The following ADAMTS2 variants were observed in gnomAD, a reference collection of about 807,000 sequenced individuals.
The protein encoded by ADAMTS2 is A disintegrin and metalloproteinase with thrombospondin motifs 2.
In ADAMTS2, 50 loss-of-function variants were observed where a neutral mutation model predicts 123.0. The observed-to-expected ratio is 0.41, with a 90% confidence interval of 0.32 to 0.51. ADAMTS2 has a LOEUF of 0.51. Among genes scored for constraint, ADAMTS2 ranks in the 20% least tolerant of loss-of-function variants. ADAMTS2 has a pLI of 0.35. For missense variants in ADAMTS2, 1,494 were observed against 1,705.2 expected (o/e 0.88, Z 2.18); for synonymous variants, 678 against 695.4 (o/e 0.98, Z 0.39).
In ADAMTS2 at chr5:179,115,393, A is replaced by G. The variant is rs1277872989; in HGVS notation, c.3179-1069T>C. 6.6e-6 allele frequency among the ~76,000 whole-genome samples: 1 copy of G among 152,230 alleles called. No homozygotes were observed. Among genetic ancestry groups the G allele is most frequent in the Admixed American group, 6.5e-5 (1 of 15,282 alleles). Reference sequence around the variant, plus strand: ...TTAAAAAATTCACTCAAGAAGAAAGAATAAGTCATGTTACAGGAGATACTT... The same window carrying G: ...TTAAAAAATTCACTCAAGAAGAAAGGATAAGTCATGTTACAGGAGATACTT... On this transcript the variant is annotated intron_variant, in intron 21 of 21. Transcript: ENST00000251582. This position sits in a 1 kb window ranked among gnomAD's most constrained non-coding sequence, Gnocchi z 4.4.
Position 179,207,410 on chromosome 5 carries a change from C to T in ADAMTS2, c.891+103G>A, listed in dbSNP as rs77695342. On this transcript the variant is annotated intron_variant, in intron 4 of 21. Transcript: ENST00000251582. ...ACTCACCTCCGGCTAACAAGGAAAT[C>T]GGCAGAGCCTCAGGGGACCTGGCCC... The T allele has an allele frequency of 3.5e-3, 4,384 of 1,239,678 alleles. 11 individuals carry two copies. The highest frequency in any genetic ancestry group is 4.2e-3 in the Non-Finnish European group (3,657 of 864,684). The allele number at this position is 1,239,678 out of a possible 1,614,324, so 76.8% of individuals were successfully genotyped here. A position where few individuals can be genotyped will look rare whatever the true frequency, so the allele number is the denominator to read the frequency against.
chr5:179,136,166 A>G, intron 12 of ADAMTS2, 124 bp from the exon 13 acceptor site: 1 of 1,397,518 alleles, frequency 7.2e-7, no homozygotes, highest in Non-Finnish European at 1.0e-6. Flanking sequence ...TCCAGGGCAG[A>G]CAGAGAGGGA....
intron 3 of ADAMTS2, among the ~76,000 whole-genome samples, chr5:179,216,282 G>A (rs1764977716): frequency 6.6e-6 from 1 of 152,222 alleles, no homozygotes; most frequent in Non-Finnish European, 1.5e-5. Context: ...ACCTCCATCA[G>A]GCCATCTGTA....
At chr5:179,322,497 C>A (rs770641813) in intron 2 of ADAMTS2, among the ~76,000 whole-genome samples, 1 of 152,212 alleles carries the variant, frequency 6.6e-6, no homozygotes, top group South Asian at 2.1e-4. Flanking sequence ...CCCTGAGCCA[C>A]GCTGGGTCCT....
Position 179,307,797 on chromosome 5 carries a change from G to A in ADAMTS2, c.535-34733C>T, listed in dbSNP as rs1056990224. Among the ~76,000 whole-genome samples, 9 of 152,264 alleles carry A rather than the reference G, an allele frequency of 5.9e-5. No homozygotes were observed. The South Asian group carries it at 1.0e-3, about 18-fold the overall frequency. ...TTCCAGAAGTCCAGGTCCTAGCTCC[G>A]ATGCCTCCTCACAAGGACCTTGGTG... On this transcript the variant is annotated intron_variant, in intron 2 of 21. Coordinates refer to ENST00000251582, the MANE Select transcript of ADAMTS2 (RefSeq NM_014244.5). The surrounding 1 kb of genome is among the most constrained non-coding windows in gnomAD (Gnocchi z 5.6).
At chr5:179,328,222 CG>C (rs1757365371) in intron 2 of ADAMTS2, among the ~76,000 whole-genome samples, 1 of 152,192 alleles carries the variant, frequency 6.6e-6, no homozygotes, top group African/African-American at 2.4e-5. Flanking sequence ...TTAGTAGAGA[CG>C]GGGTTTCACC....
chr5:179,154,022 C>T (rs780496629), intron 8 of ADAMTS2, 27 bp downstream of exon 8: 1 of 1,586,082 alleles, frequency 6.3e-7, no homozygotes, highest in South Asian at 1.1e-5. Context: ...TGAGGGGTCG[C>T]CCACGGGGCA....
At chr5:179,145,896 C>T (rs992021153) in intron 10 of ADAMTS2, among the ~76,000 whole-genome samples, 5 of 152,168 alleles carry the variant, frequency 3.3e-5, no homozygotes, top group African/African-American at 1.2e-4. Flanking sequence ...CTTGTTGTCC[C>T]GGCTGGAGCG....
intron 2 of ADAMTS2, among the ~76,000 whole-genome samples, chr5:179,331,981 C>T (rs1412712340): frequency 2.6e-5 from 4 of 152,226 alleles, no homozygotes. Context: ...CTTGCGGTGG[C>T]AAGTTCCAGC....
intron 3 of ADAMTS2, among the ~76,000 whole-genome samples, chr5:179,214,851 AAATAATCTCCGTCG>A (rs142137572): frequency 1.3e-5 from 2 of 150,358 alleles, no homozygotes; most frequent in Admixed American, 6.6e-5. Flanking sequence ...ATTCTCCGTC[AAATAATCTCCGTCG>A]AATAATTGTT....
chr5:179,294,096 T>C (rs950803026), intron 2 of ADAMTS2, among the ~76,000 whole-genome samples: 1 of 151,950 alleles, frequency 6.6e-6, no homozygotes, highest in African/African-American at 2.4e-5. Flanking sequence ...TCTCTACAAA[T>C]AATTTAAAAA....
At chr5:179,201,430 A>G (rs76112055) in intron 4 of ADAMTS2, among the ~76,000 whole-genome samples, 5,096 of 152,200 alleles carry the variant, frequency 0.033, 282 homozygotes, top group African/African-American at 0.11. Context: ...ACAACGTAGT[A>G]GACAATTAAC....
intron 2 of ADAMTS2, among the ~76,000 whole-genome samples, chr5:179,336,334 C>T (rs1332405934): frequency 6.6e-6 from 1 of 152,226 alleles, no homozygotes; most frequent in East Asian, 1.9e-4. Flanking sequence ...AGGCAAATAC[C>T]TATCCCTGGA....
rs955664771 is a variant in ADAMTS2, at chr5:179,155,752, C to T, written c.1133-833G>A. 2.5e-4 allele frequency among the ~76,000 whole-genome samples: 38 copies of T among 152,158 alleles called. No homozygotes were observed. Among genetic ancestry groups the T allele is most frequent in the African/African-American group, 3.6e-4 (15 of 41,434 alleles). ...TGCCTACAGGGCTATGGGTGCCACA[C>T]GAGGTCTCTGCTTGTACCCCTGGGA... On this transcript the variant is annotated intron_variant, in intron 6 of 21. Transcript: ENST00000251582. This position sits in a 1 kb window ranked among gnomAD's most constrained non-coding sequence, Gnocchi z 5.1.
In ADAMTS2 at chr5:179,345,191, T is replaced by C. The variant is rs1181728258; in HGVS notation, c.138A>G (p.Pro46=). The C allele has an allele frequency of 2.1e-5, 23 of 1,108,072 alleles. 2 individuals carry two copies. In the South Asian group the frequency reaches 9.4e-4, roughly 45 times the overall value. 68.6% of individuals were successfully genotyped at this position (1,108,072 alleles called of 1,614,324 possible). The change falls in exon 1 of 22, where the codon CCA becomes CCG. Residue 46 remains proline (P), a splice_region_variant and synonymous_variant. Coordinates refer to ENST00000251582, the MANE Select transcript of ADAMTS2 (RefSeq NM_014244.5). This position sits in a 1 kb window ranked among gnomAD's most constrained non-coding sequence, Gnocchi z 7.5. ...GAGTAGGGGCCGGGCCGCACCTACC[T>C]GGGGGGTCGGCGGCGGCGGCGAGCC... ...NARLAAAADP[P]GGPLGHGAER... is the part of the protein sequence containing the mutation.
At position 179,152,163 on chromosome 5, in the gene ADAMTS2, C is replaced by A. The variant is rs201773714; in HGVS notation, c.1608G>T (p.Gly536=). 9.3e-6 allele frequency: 15 copies of A among 1,613,970 alleles called. No homozygotes were observed. Among genetic ancestry groups the A allele is most frequent in the Non-Finnish European group, 1.2e-5 (14 of 1,179,896 alleles). ...CKTKKGPPLD[G]TMCAPGKHCF... ...TCACCTTGCCAGGTGCACACATAGT[C>A]CCGTCCAAGGGGGGCCCCTTCTTGG... Residue 536 remains glycine (G), a synonymous_variant, in exon 10 of 22, where the codon GGG becomes GGT. Coordinates refer to ENST00000251582, the MANE Select transcript of ADAMTS2 (RefSeq NM_014244.5).
At position 179,137,853 on chromosome 5, in the gene ADAMTS2, G is replaced by A. The variant is rs752401488; in HGVS notation, c.1867C>T (p.Arg623Cys). 3 of 1,566,646 alleles carry A rather than the reference G, an allele frequency of 1.9e-6. No homozygotes were observed. The highest frequency in any genetic ancestry group is 2.6e-6 in the Non-Finnish European group (3 of 1,157,060). ...QDCPDSLADF[R>C]EEQCRQWDLY... is the part of the protein sequence containing the mutation. ...TCCCACTGGCGGCACTGCTCCTCGC[G>A]GAAGTCAGCCAGGGAGTCGGGGCAG... Residue 623 changes from arginine (R) to cysteine (C), a missense_variant, in exon 12 of 22, where the codon CGC becomes TGC. Transcript: ENST00000251582.
At position 179,202,556 on chromosome 5, in the gene ADAMTS2, C is replaced by A. The variant is rs962040352; in HGVS notation, c.891+4957G>T. 6.6e-6 allele frequency among the ~76,000 whole-genome samples: 1 copy of A among 152,168 alleles called. No homozygotes were observed. Among genetic ancestry groups the A allele is most frequent in the Non-Finnish European group, 1.5e-5 (1 of 68,026 alleles). ...CCCAGAATGCAAGGTAGCAGGGTTA[C>A]GTCCTGTCATGCTCACAGCTGCACC... On this transcript the variant is annotated intron_variant, in intron 4 of 21. Transcript: ENST00000251582. This position sits in a 1 kb window ranked among gnomAD's most constrained non-coding sequence, Gnocchi z 4.0.
chr5:179,180,996 G>A lies in ADAMTS2; in HGVS notation c.975+76C>T. 1 of 1,148,740 alleles carries A rather than the reference G, an allele frequency of 8.7e-7. No individual in the cohort carries two copies. 71.2% of individuals were successfully genotyped at this position (1,148,740 alleles called of 1,614,324 possible). On this transcript the variant is annotated intron_variant, in intron 5 of 21. Transcript: ENST00000251582. The surrounding 1 kb of genome is among the most constrained non-coding windows in gnomAD (Gnocchi z 4.6). ...TCTGGCAAACGCACACACTCTCCAA[G>A]GAGGCCCATGCCTCACTCCCAGGCC...
Sources: allele counts gnomAD v4.1 joint callset (sites outside exome capture counted in the v4.1 genomes callset), GRCh38; gene constraint gnomAD v4.1.1; non-coding constraint Gnocchi (gnomAD v3.1); transcripts MANE v1.5; gene names NCBI Gene and HGNC (gene_info 2026-07-23, HGNC 2026-07-21).